The following MTTP variants were observed in gnomAD, a reference collection of about 807,000 sequenced individuals.
MTTP encodes microsomal triglyceride transfer protein large subunit.
A neutral mutation model predicts 90.6 loss-of-function variants in MTTP; 49 were observed. The observed-to-expected ratio is 0.54, with a 90% CI of 0.43 to 0.69. The LOEUF (loss-of-function observed/expected upper bound fraction) is 0.69, where lower values mean the gene tolerates loss of function less well. MTTP is among the 30% of genes least tolerant of loss of function. MTTP has a pLI of 0.00. For missense variants in MTTP, 945 were observed against 1,067.5 expected (o/e 0.89, Z 1.60); for synonymous variants, 347 against 384.2 (o/e 0.90, Z 1.13).
chr4:99,589,486 C>T (rs1366104782), intron 3 of MTTP, among the ~76,000 whole-genome samples, 157 bp from the exon 4 acceptor site: 1 of 152,116 alleles, frequency 6.6e-6, no homozygotes, highest in Non-Finnish European at 1.5e-5. Context: ...ATTTAAATAG[C>T]TTCTTTTCAC....
Position 99,591,552 on chromosome 4 carries a change from G to A in MTTP, c.619-99G>A. The A allele has an allele frequency of 3.0e-6, 4 of 1,355,338 alleles. No individual in the cohort carries two copies. In the Admixed American group the frequency reaches 7.6e-5, roughly 26 times the overall value. The allele number at this position is 1,355,338 out of a possible 1,614,324, so 84.0% of individuals were successfully genotyped here. On this transcript the variant is annotated intron_variant, in intron 5 of 17. Transcript: ENST00000265517. ...TAGTAATGAGGGATGGGTGTAATGGGGAAGCTGTTTGTAGACTGAAAGACA... is the reference window on the plus strand; with the variant it reads ...TAGTAATGAGGGATGGGTGTAATGGAGAAGCTGTTTGTAGACTGAAAGACA...
rs184382113 is a variant in MTTP at position 99,574,889 on chromosome 4, A to G, written c.-21A>G. On this transcript the variant is annotated 5_prime_UTR_variant, in exon 1 of 18. Coordinates refer to ENST00000265517, the MANE Select transcript of MTTP (RefSeq NM_001386140.1). ...TGACTCCTAGCTGGGCACTGGATGC[A>G]GTTGAGGATTGCTGGTCAATATGAT... 3 of 1,614,152 alleles carry G rather than the reference A, an allele frequency of 1.9e-6. No homozygotes were observed. Among genetic ancestry groups the G allele is most frequent in the Admixed American group, 1.7e-5 (1 of 60,018 alleles).
chr4:99,618,911 A>G, intron 15 of MTTP, 63 bp from the exon 16 acceptor site: 1 of 1,586,390 alleles, frequency 6.3e-7, no homozygotes, highest in East Asian at 2.3e-5. Context: ...GTGCCATTGG[A>G]AAGGGGGTTA....
At chr4:99,613,466 G>A (rs1726013003) in intron 15 of MTTP, among the ~76,000 whole-genome samples, 1 of 152,172 alleles carries the variant, frequency 6.6e-6, no homozygotes. Flanking sequence ...GGGCTTAGGT[G>A]ATATTTATCC....
chr4:99,622,741 G>GA lies in MTTP; in HGVS notation c.2581dup (p.Ser861LysfsTer7). 6.2e-7 allele frequency: 1 copy of GA among 1,614,120 alleles called. No homozygotes were observed. Among genetic ancestry groups the GA allele is most frequent in the Non-Finnish European group, 8.5e-7 (1 of 1,179,992 alleles). ...AGGTTATGTCTCTCAGAAAAGAAAAGAAAGCGTATTAGCAGGATGTGAATT... is the reference window on the plus strand; with the variant it reads ...AGGTTATGTCTCTCAGAAAAGAAAAGAAAAGCGTATTAGCAGGATGTGAATT... On this transcript the variant is annotated frameshift_variant, in exon 18 of 18. Coordinates refer to ENST00000265517, the MANE Select transcript of MTTP (RefSeq NM_001386140.1). LOFTEE classifies it high-confidence loss of function.
intron 4 of MTTP, among the ~76,000 whole-genome samples, chr4:99,590,855 AC>A (rs1725397866): frequency 4.0e-5 from 6 of 149,794 alleles, no homozygotes; most frequent in African/African-American, 1.3e-4. Flanking sequence ...ACACACACAC[AC>A]ACACACACCA....
chr4:99,568,136 C>T lies in MTTP; in HGVS notation c.-102+3899C>T, dbSNP rs563870719. On this transcript the variant is annotated intron_variant, in intron 1 of 18. Transcript: ENST00000457717. The stretch of plus-strand genomic sequence containing the variant: ...ACAATAATAAGAAATATAGAAAGCA[C>T]ACACATATATTCACCATTGTACTGG... Among the ~76,000 whole-genome samples, 10 of 152,030 alleles carry T rather than the reference C, an allele frequency of 6.6e-5. No individual in the cohort carries two copies. The East Asian group carries it at 1.9e-3, about 29-fold the overall frequency.
At chr4:99,604,166 T>G (rs1487768816) in intron 10 of MTTP, among the ~76,000 whole-genome samples, 1 of 152,098 alleles carries the variant, frequency 6.6e-6, no homozygotes, top group Admixed American at 6.6e-5. Context: ...GAAAGAAAAT[T>G]ATGTATTGTA....
Position 99,575,390 on chromosome 4 carries a change from T to C in MTTP, c.61+420T>C, listed in dbSNP as rs546194629. ...ATTTTCTTTTAGTTGCTTAGCAATGTGACCTCAAGAAGAATTAGACCCAAT... is the reference window on the plus strand; with the variant it reads ...ATTTTCTTTTAGTTGCTTAGCAATGCGACCTCAAGAAGAATTAGACCCAAT... On this transcript the variant is annotated intron_variant, in intron 1 of 17. Transcript: ENST00000265517. 2.0e-5 allele frequency among the ~76,000 whole-genome samples: 3 copies of C among 152,306 alleles called. No homozygotes were observed. The South Asian group carries it at 6.2e-4, about 32-fold the overall frequency.
At chr4:99,618,739 T>G (rs1032355) in intron 15 of MTTP, among the ~76,000 whole-genome samples, 4 of 152,062 alleles carry the variant, frequency 2.6e-5, no homozygotes, top group Non-Finnish European at 4.4e-5. Context: ...TCCTTCTTAA[T>G]TGGCACTTCA....
rs1269080530 is a variant in MTTP at position 99,594,812 on chromosome 4, G to A, written c.838G>A (p.Val280Ile). ...GCAGGCTGCAGCCATAATCAAAGCA[G>A]TTGATTCAAAGTACACGGCCATTCC... ...GKQAAAIIKA[V>I]DSKYTAIPIV... Residue 280 changes from valine (V) to isoleucine (I), a missense_variant, in exon 7 of 18, where the codon GTT becomes ATT. By Grantham distance (29) the Val-to-Ile change is conservative. Transcript: ENST00000265517. 1 of 1,613,954 alleles carries A rather than the reference G, an allele frequency of 6.2e-7. No individual in the cohort carries two copies. The highest frequency in any genetic ancestry group is 1.7e-5 in the Admixed American group (1 of 60,018).
At chr4:99,574,537 T>A (rs970475644), upstream of MTTP, among the ~76,000 whole-genome samples, 2 of 152,214 alleles carry the variant, frequency 1.3e-5, no homozygotes, top group East Asian at 3.8e-4. Flanking sequence ...GATTATGTAT[T>A]AAGCAGAAAG....
chr4:99,588,937 A>G (rs1725330597), intron 3 of MTTP, among the ~76,000 whole-genome samples: 1 of 82,010 alleles, frequency 1.2e-5, no homozygotes, highest in Non-Finnish European at 2.2e-5. Context: ...ACATATATAT[A>G]TGTTCATATA....
chr4:99,594,605 A>T, intron 6 of MTTP, 128 bp from the exon 7 acceptor site: 1 of 1,022,464 alleles, frequency 9.8e-7, no homozygotes, highest in South Asian at 1.3e-5. Flanking sequence ...GAGATATCAC[A>T]GTTTGAAAGA....
intron 6 of MTTP, among the ~76,000 whole-genome samples, chr4:99,592,216 GA>G (rs1254049358): frequency 6.6e-6 from 1 of 152,170 alleles, no homozygotes; most frequent in Non-Finnish European, 1.5e-5. Flanking sequence ...TTGCAGGGCT[GA>G]AAGTTGCTCT....
At chr4:99,581,323 T>C (rs1207239701) in intron 1 of MTTP, among the ~76,000 whole-genome samples, 1 of 152,206 alleles carries the variant, frequency 6.6e-6, no homozygotes, top group East Asian at 1.9e-4. Flanking sequence ...ATTATTTTAT[T>C]CGGGCACAGC....
intron 6 of MTTP, 46 bp downstream of exon 6, chr4:99,591,836 T>C (rs1725430215): frequency 6.7e-7 from 1 of 1,482,358 alleles, no homozygotes; most frequent in East Asian, 2.4e-5. Flanking sequence ...TTCTTTGTTA[T>C]ATTATTATAC....
At chr4:99,585,688 A>G (rs1725241677) in intron 3 of MTTP, among the ~76,000 whole-genome samples, 1 of 152,094 alleles carries the variant, frequency 6.6e-6, no homozygotes, top group Admixed American at 6.6e-5. Flanking sequence ...TGCTACACAC[A>G]TGAAAGGACT....
At chr4:99,581,378 C>T (rs1005804993) in intron 1 of MTTP, among the ~76,000 whole-genome samples, 4 of 152,132 alleles carry the variant, frequency 2.6e-5, no homozygotes, top group African/African-American at 9.7e-5. Context: ...TACCTTTGTA[C>T]TAAAAGTTTG....
Sources: allele counts gnomAD v4.1 joint callset (sites outside exome capture counted in the v4.1 genomes callset), GRCh38; gene constraint gnomAD v4.1.1; transcripts MANE v1.5; gene names NCBI Gene and HGNC (gene_info 2026-07-23, HGNC 2026-07-21).